The following TMX3 variants were observed in gnomAD, a reference collection of about 807,000 sequenced individuals.
TMX3 encodes thioredoxin related transmembrane protein 3.
Under a neutral mutation model 64.4 loss-of-function variants are expected in TMX3, and 40 were observed. The observed-to-expected ratio is 0.62, with a 90% CI of 0.48 to 0.81. The LOEUF (loss-of-function observed/expected upper bound fraction) is 0.81, where lower values mean the gene tolerates loss of function less well. Among genes scored for constraint, TMX3 ranks in the 30% least tolerant of loss-of-function variants. The pLI, the probability that TMX3 is intolerant of heterozygous loss-of-function variation, is 0.00. For missense variants in TMX3, 497 were observed against 534.5 expected (o/e 0.93, Z 0.69); for synonymous variants, 189 against 175.7 (o/e 1.08, Z -0.60).
At chr18:68,693,586 T>C (rs757994137) in intron 8 of TMX3, among the ~76,000 whole-genome samples, 31 of 152,284 alleles carry the variant, frequency 2.0e-4, no homozygotes, top group Admixed American at 2.6e-4. Flanking sequence ...GGCGCGGCGC[T>C]GACGTGCCAG....
chr18:68,676,996 A>C lies in TMX3; in HGVS notation c.1302T>G (p.Ser434Arg), dbSNP rs1912979841. The C allele has an allele frequency of 6.2e-7, 1 of 1,613,614 alleles. No individual in the cohort carries two copies. Among genetic ancestry groups the C allele is most frequent in the Non-Finnish European group, 8.5e-7 (1 of 1,179,800 alleles). The stretch of plus-strand genomic sequence containing the variant: ...GCACTGTAGGCACTACAGATCCTCC[A>C]CTGCTGGGCTCCTGCTGTTCTTTGC... ...EESKEQQEPS[S>R]GGSVVPTVQE... The change falls in exon 16 of 16, where the codon AGT becomes AGG. Residue 434 changes from serine to arginine, a missense_variant. By Grantham distance (110) the Ser-to-Arg change is moderately radical. Coordinates refer to ENST00000299608, the MANE Select transcript of TMX3 (RefSeq NM_019022.5).
In TMX3 at chr18:68,674,449, A is replaced by C. The variant is rs1912766592; in HGVS notation, c.*2484T>G. ...TTTTAGAAGTTATAAAGAGAACTTC[A>C]CTGCAATTAAAAGAGAAGGCAAAAA... On this transcript the variant is annotated 3_prime_UTR_variant, in exon 16 of 16. Coordinates refer to ENST00000299608, the MANE Select transcript of TMX3 (RefSeq NM_019022.5). 6.7e-6 allele frequency: 1 copy of C among 150,274 alleles called. No individual in the cohort carries two copies. The highest frequency in any genetic ancestry group is 2.1e-4 in the South Asian group (1 of 4,798). 9.3% of individuals were successfully genotyped at this position (150,274 alleles called of 1,614,324 possible).
intron 15 of TMX3, among the ~76,000 whole-genome samples, chr18:68,678,635 G>A (rs1199911519): frequency 3.3e-5 from 5 of 152,090 alleles, no homozygotes; most frequent in Non-Finnish European, 5.9e-5. Context: ...GTTTGATAGA[G>A]TGAAAGGAAG....
In TMX3 at chr18:68,676,087, G is replaced by A. The variant is rs1912904660; in HGVS notation, c.*846C>T. ...ACATACCACTTTTCAAAAAGCAGAA[G>A]ATTTTTATCAAAGGAAATGTTAGAA... On this transcript the variant is annotated 3_prime_UTR_variant, in exon 16 of 16. Transcript: ENST00000299608. 6.6e-6 allele frequency: 1 copy of A among 152,048 alleles called. No homozygotes were observed. Among genetic ancestry groups the A allele is most frequent in the South Asian group, 2.1e-4 (1 of 4,826 alleles). The allele number at this position is 152,048 out of a possible 1,614,324, so 9.4% of individuals were successfully genotyped here.
chr18:68,701,115 C>T, intron 5 of TMX3: 1 of 739,878 alleles, frequency 1.4e-6, no homozygotes, highest in Non-Finnish European at 1.6e-6. Context: ...AAGTAAGAGG[C>T]TAAGCAAACA....
At chr18:68,710,561 G>A (rs981494091) in intron 3 of TMX3, among the ~76,000 whole-genome samples, 2 of 151,980 alleles carry the variant, frequency 1.3e-5, no homozygotes, top group African/African-American at 2.4e-5. Context: ...CATAGTAGGT[G>A]ACTTTGCTGA....
chr18:68,682,780 G>C (rs1159549453), intron 13 of TMX3, 145 bp downstream of exon 13: 2 of 561,516 alleles, frequency 3.6e-6, no homozygotes, highest in Non-Finnish European at 5.7e-6. Flanking sequence ...GAAAACTAAA[G>C]TAAAATATTT....
intron 4 of TMX3, among the ~76,000 whole-genome samples, chr18:68,706,967 A>G (rs2030738334): frequency 6.6e-6 from 1 of 152,238 alleles, no homozygotes. Flanking sequence ...ATTTAACTCT[A>G]ATAATGGTCT....
intron 14 of TMX3, among the ~76,000 whole-genome samples, chr18:68,679,815 C>T (rs1374153890): frequency 1.3e-5 from 2 of 152,162 alleles, no homozygotes; most frequent in African/African-American, 2.4e-5. Context: ...CCTCTGAGGA[C>T]AGCCTAACCA....
rs1248601076 is a variant in TMX3 at position 68,698,138 on chromosome 18, A to G, written c.393-107T>C. On this transcript the variant is annotated intron_variant, in intron 6 of 15. Coordinates refer to ENST00000299608, the MANE Select transcript of TMX3 (RefSeq NM_019022.5). ...TCTCAAGTTATTAAGTTTCAATAAT[A>G]TATCAACTGCATTTTAAGTATATCA... 4 of 703,696 alleles carry G rather than the reference A, an allele frequency of 5.7e-6. No homozygotes were observed. The East Asian group carries it at 8.2e-5, about 14-fold the overall frequency. The allele number at this position is 703,696 out of a possible 1,614,324, so 43.6% of individuals were successfully genotyped here. A position where few individuals can be genotyped will look rare whatever the true frequency, so the allele number is the denominator to read the frequency against.
At chr18:68,683,281 T>A (rs976620433) in intron 12 of TMX3, among the ~76,000 whole-genome samples, 1 of 152,094 alleles carries the variant, frequency 6.6e-6, no homozygotes, top group African/African-American at 2.4e-5. Context: ...ACCTGAAATA[T>A]GTTTAAGAAA....
At chr18:68,684,383 C>T (rs1913742248) in intron 11 of TMX3, 45 bp downstream of exon 11, 1 of 1,573,406 alleles carries the variant, frequency 6.4e-7, no homozygotes, top group Non-Finnish European at 8.7e-7. Context: ...GCCATATAGT[C>T]TGAAATGAAC....
chr18:68,679,354 A>G, intron 15 of TMX3, 109 bp downstream of exon 15: 1 of 783,302 alleles, frequency 1.3e-6, no homozygotes, highest in South Asian at 2.1e-5. Flanking sequence ...CCTGCAAATT[A>G]AAAAGACATA....
Position 68,682,910 on chromosome 18 carries a change from C to T in TMX3, c.905+15G>A. 6.3e-7 allele frequency: 1 copy of T among 1,588,230 alleles called. No individual in the cohort carries two copies. Among genetic ancestry groups the T allele is most frequent in the Non-Finnish European group, 8.6e-7 (1 of 1,166,588 alleles). On this transcript the variant is annotated intron_variant, in intron 13 of 15. Coordinates refer to ENST00000299608, the MANE Select transcript of TMX3 (RefSeq NM_019022.5). ...TAATAGATTTGACAGCAAAATCATT[C>T]AGCACTTTACTTACTCCATCAGCAA...
chr18:68,703,214 C>T (rs974946583), intron 4 of TMX3, among the ~76,000 whole-genome samples: 5 of 152,126 alleles, frequency 3.3e-5, no homozygotes, highest in African/African-American at 1.2e-4. Flanking sequence ...ATTAAGAAGA[C>T]AGGGAAATAA....
In TMX3 at chr18:68,673,862, A is replaced by T. The variant is rs1010327413; in HGVS notation, c.*3071T>A. On this transcript the variant is annotated 3_prime_UTR_variant, in exon 16 of 16. Coordinates refer to ENST00000299608, the MANE Select transcript of TMX3 (RefSeq NM_019022.5). ...CTTGGACTCAGACACATTCAGAAAA[A>T]ATATATATTTATAAAAATAAAATGT... 5.9e-5 allele frequency: 9 copies of T among 152,128 alleles called. No individual in the cohort carries two copies. The highest frequency in any genetic ancestry group is 2.6e-4 in the Admixed American group (4 of 15,264). The allele number at this position is 152,128 out of a possible 1,614,324, so 9.4% of individuals were successfully genotyped here.
intron 9 of TMX3, among the ~76,000 whole-genome samples, chr18:68,689,450 T>C (rs1914296773): frequency 2.0e-5 from 3 of 151,678 alleles, no homozygotes; most frequent in African/African-American, 7.3e-5. Context: ...AAGAAACACA[T>C]AGTGGAATAA....
Position 68,700,547 on chromosome 18 carries a change from A to G in TMX3, c.312-62T>C, listed in dbSNP as rs1168996524. The G allele has an allele frequency of 7.4e-6, 9 of 1,216,996 alleles. No homozygotes were observed. The East Asian group carries it at 2.1e-4, about 29-fold the overall frequency. The allele number at this position is 1,216,996 out of a possible 1,614,324, so 75.4% of individuals were successfully genotyped here. A position where few individuals can be genotyped will look rare whatever the true frequency, so the allele number is the denominator to read the frequency against. On this transcript the variant is annotated intron_variant, in intron 5 of 15. Transcript: ENST00000299608. ...CTAACAGTTTTAATATTTAATGTTA[A>G]TCATTATCTATTGTTTCATAAAATT...
At chr18:68,708,057 G>GTA (rs201803798) in intron 4 of TMX3, among the ~76,000 whole-genome samples, 7 of 149,888 alleles carry the variant, frequency 4.7e-5, no homozygotes, top group Non-Finnish European at 1.0e-4. Flanking sequence ...ATATATATGT[G>GTA]TATATATATG....
Sources: allele counts gnomAD v4.1 joint callset (sites outside exome capture counted in the v4.1 genomes callset), GRCh38; gene constraint gnomAD v4.1.1; transcripts MANE v1.5; gene names NCBI Gene and HGNC (gene_info 2026-07-23, HGNC 2026-07-21).